The following MAGI1 variants were observed in gnomAD, a reference collection of about 807,000 sequenced individuals.
MAGI1 encodes the protein membrane associated guanylate kinase, WW and PDZ domain containing 1.
Under a neutral mutation model 139.9 loss-of-function variants are expected in MAGI1, and 58 were observed. The ratio of observed to expected loss-of-function variants is 0.41; its 90% CI spans 0.34 to 0.52. The LOEUF is 0.52. Among genes scored for constraint, MAGI1 ranks in the 20% least tolerant of loss-of-function variants. The probability of loss-of-function intolerance (pLI) is 0.12; values close to 1 mark genes in which losing one functional copy is unlikely to be tolerated. For missense variants in MAGI1, 1,874 were observed against 1,901.6 expected (o/e 0.99, Z 0.27); for synonymous variants, 812 against 737.9 (o/e 1.10, Z -1.63).
chr3:65,959,798 C>CTTTTTTTTTTTT (rs33978400), intron 1 of MAGI1, among the ~76,000 whole-genome samples: 1 of 60,266 alleles, frequency 1.7e-5, no homozygotes, highest in Non-Finnish European at 2.9e-5. Flanking sequence ...TAAATTCTCT[C>CTTTTTTTTTTTT]TTTTTTTTTT....
rs574379618 is a variant in MAGI1, at chr3:65,379,349, G to A, written c.2907C>T (p.Tyr969=). 16 of 1,613,304 alleles carry A rather than the reference G, an allele frequency of 9.9e-6. No individual in the cohort carries two copies. Among genetic ancestry groups the A allele is most frequent in the African/African-American group, 4.0e-5 (3 of 75,020 alleles). Residue 969 remains tyrosine, a synonymous_variant, in exon 17 of 23, where the codon TAC becomes TAT. Coordinates refer to ENST00000402939, the MANE Select transcript of MAGI1 (RefSeq NM_001033057.2). The part of the protein sequence containing the change: ...SGVVSTVVQP[Y]DVEIRRGENE... ...TCTCCCCGCGCCGGATCTCCACGTC[G>A]TAGGGCTGCACCACGGTGCTGACCA...
intron 1 of MAGI1, among the ~76,000 whole-genome samples, chr3:65,748,133 G>A (rs2035852638): frequency 6.6e-6 from 1 of 152,198 alleles, no homozygotes; most frequent in African/African-American, 2.4e-5. Context: ...CTCCAAGCAT[G>A]GGCCAGGGTG....
chr3:65,613,588 T>C (rs2083226290), intron 2 of MAGI1, among the ~76,000 whole-genome samples: 2 of 152,296 alleles, frequency 1.3e-5, no homozygotes, highest in Admixed American at 1.3e-4. Flanking sequence ...TTTTCTCCAA[T>C]AGGACTCTAT....
chr3:65,564,179 G>A (rs2080503752), intron 2 of MAGI1, among the ~76,000 whole-genome samples: 1 of 151,952 alleles, frequency 6.6e-6, no homozygotes, highest in Non-Finnish European at 1.5e-5. Context: ...GGAGTGCAGG[G>A]CTGGCAAATG....
At chr3:65,884,446 C>T (rs148104385) in intron 1 of MAGI1, among the ~76,000 whole-genome samples, 135 of 152,212 alleles carry the variant, frequency 8.9e-4, no homozygotes, top group African/African-American at 3.1e-3. Flanking sequence ...AAAAGTACTT[C>T]CCTTAAATAC....
chr3:66,026,839 G>A (rs1559507335), intron 1 of MAGI1, among the ~76,000 whole-genome samples: 1 of 100,496 alleles, frequency 1.0e-5, no homozygotes, highest in South Asian at 3.1e-4. Flanking sequence ...TATCTTCCGT[G>A]GGGTCACCAA....
intron 1 of MAGI1, among the ~76,000 whole-genome samples, chr3:65,833,347 G>C (rs1575643570): frequency 6.6e-6 from 1 of 152,202 alleles, no homozygotes; most frequent in South Asian, 2.1e-4. Flanking sequence ...TCAAACTCCT[G>C]ACCTCAAGTG....
chr3:65,706,212 A>G (rs1576816959), intron 1 of MAGI1, among the ~76,000 whole-genome samples: 1 of 152,380 alleles, frequency 6.6e-6, no homozygotes, highest in East Asian at 1.9e-4. Context: ...TGGGATTTAA[A>G]ACAAAATAAT....
intron 1 of MAGI1, among the ~76,000 whole-genome samples, chr3:65,732,423 T>TG (rs2107738225): frequency 1.3e-5 from 2 of 152,314 alleles, no homozygotes; most frequent in African/African-American, 4.8e-5. Context: ...GCTCCCAGGA[T>TG]TAGCTGTGCG....
intron 1 of MAGI1, among the ~76,000 whole-genome samples, chr3:65,771,179 C>G (rs952106413): frequency 6.6e-6 from 1 of 151,802 alleles, no homozygotes; most frequent in Non-Finnish European, 1.5e-5. Context: ...TGGTGGCATG[C>G]ACCTGTAGTC....
intron 1 of MAGI1, among the ~76,000 whole-genome samples, chr3:65,633,327 T>C (rs2084420513): frequency 1.3e-5 from 2 of 152,176 alleles, no homozygotes; most frequent in South Asian, 2.1e-4. Context: ...ACAAAGACTA[T>C]TGTTCTTTTA....
At chr3:65,596,989 A>G (rs2082236733) in intron 2 of MAGI1, among the ~76,000 whole-genome samples, 1 of 152,150 alleles carries the variant, frequency 6.6e-6, no homozygotes, top group Admixed American at 6.5e-5. Flanking sequence ...TTCCGTTTCT[A>G]ATTTTCCCCG....
chr3:65,565,871 A>G (rs977271362), intron 2 of MAGI1, among the ~76,000 whole-genome samples: 2 of 149,044 alleles, frequency 1.3e-5, no homozygotes, highest in Admixed American at 6.7e-5. Flanking sequence ...AAAAAAAAAA[A>G]AAAGAAACAT....
intron 18 of MAGI1, among the ~76,000 whole-genome samples, chr3:65,373,371 CCAAA>C (rs964879559): frequency 6.6e-6 from 1 of 151,976 alleles, no homozygotes; most frequent in Admixed American, 6.6e-5. Flanking sequence ...TGTGGCACCC[CCAAA>C]CAATTACAAC....
In MAGI1 at chr3:65,688,184, C is replaced by G. The variant is rs1018802184; in HGVS notation, c.314-66096G>C. The G allele has an allele frequency of 3.9e-6, 3 of 765,766 alleles. No individual in the cohort carries two copies. The East Asian group carries it at 1.0e-4, about 25-fold the overall frequency. The allele number at this position is 765,766 out of a possible 1,614,324, so 47.4% of individuals were successfully genotyped here. On this transcript the variant is annotated intron_variant, in intron 1 of 22. Transcript: ENST00000402939. ...TCACTGACCCCCGTGAGAGCGGCAA[C>G]TTCAGAGTACACACAGTCATGACCC...
intron 1 of MAGI1, among the ~76,000 whole-genome samples, chr3:65,940,449 G>T (rs2063254578): frequency 6.6e-6 from 1 of 152,124 alleles, no homozygotes; most frequent in South Asian, 2.1e-4. Context: ...TCTTCTCACT[G>T]TATCTTCACG....
In MAGI1 at chr3:65,354,692, A is replaced by T. The variant is rs368329278; in HGVS notation, c.*1686T>A. The stretch of plus-strand genomic sequence containing the variant: ...TACATACCTGATTTAGTTTACATTA[A>T]AATATATCCCCATGAATCAATTTGT... On this transcript the variant is annotated 3_prime_UTR_variant, in exon 23 of 23. Coordinates refer to ENST00000402939, the MANE Select transcript of MAGI1 (RefSeq NM_001033057.2). 5 of 152,660 alleles carry T rather than the reference A, an allele frequency of 3.3e-5. No individual in the cohort carries two copies. The highest frequency in any genetic ancestry group is 9.6e-5 in the African/African-American group (4 of 41,462). The allele number at this position is 152,660 out of a possible 1,614,324, so 9.5% of individuals were successfully genotyped here.
At chr3:65,653,064 A>G (rs2047534) in intron 1 of MAGI1, among the ~76,000 whole-genome samples, 2 of 152,170 alleles carry the variant, frequency 1.3e-5, no homozygotes, top group African/African-American at 2.4e-5. Flanking sequence ...AATAATCTCA[A>G]TGAGATGAGA....
At chr3:65,376,681 C>A (rs983912012) in intron 17 of MAGI1, among the ~76,000 whole-genome samples, 1 of 152,194 alleles carries the variant, frequency 6.6e-6, no homozygotes, top group Non-Finnish European at 1.5e-5. Context: ...GCTCTGAAAT[C>A]ATTCTGCTGC....
Sources: allele counts gnomAD v4.1 joint callset (sites outside exome capture counted in the v4.1 genomes callset), GRCh38; gene constraint gnomAD v4.1.1; transcripts MANE v1.5; gene names NCBI Gene and HGNC (gene_info 2026-07-23, HGNC 2026-07-21).